LIG1: variants seen among roughly 807,000 people sequenced by gnomAD.
LIG1 encodes ligase I, DNA, ATP-dependent.
A neutral mutation model predicts 115.7 loss-of-function variants in LIG1; 70 were observed. The ratio of observed to expected loss-of-function variants is 0.60; its 90% confidence interval spans 0.50 to 0.74. LIG1 has a LOEUF of 0.74. Among genes scored for constraint, LIG1 ranks in the 30% least tolerant of loss-of-function variants. LIG1 has a pLI of 0.00. For synonymous variants in LIG1, 487 were observed against 495.3 expected, an observed-to-expected ratio of 0.98 and a Z score of 0.22; for missense variants, 1,115 against 1,225.6, an observed-to-expected ratio of 0.91 and a Z score of 1.35.
rs1398567388 is a variant in LIG1, at chr19:48,156,174, G to T, written c.370+840C>A. ...TGCGCTCTACACGCCAGCACACCAG[G>T]CCCTCAGCAGCCCCCAGGCCTTCTC... On this transcript the variant is annotated intron_variant, in intron 5 of 27. Coordinates refer to ENST00000263274, the MANE Select transcript of LIG1 (RefSeq NM_000234.3). 2.0e-5 allele frequency among the ~76,000 whole-genome samples: 3 copies of T among 152,200 alleles called. No individual in the cohort carries two copies. In the East Asian group the frequency reaches 5.8e-4, roughly 29 times the overall value.
At position 48,139,852 on chromosome 19, in the gene LIG1, C is replaced by T; in HGVS notation, c.1087+119G>A. On this transcript the variant is annotated intron_variant, in intron 12 of 27. Transcript: ENST00000263274. ...CCCATCAGGCTCTCCTCCCTCTCAG[C>T]CTTCTCCTCAACCCTGTTTCACAGC... 8.3e-6 allele frequency: 10 copies of T among 1,204,140 alleles called. No homozygotes were observed. The South Asian group carries it at 1.1e-4, about 13-fold the overall frequency. 74.6% of individuals were successfully genotyped at this position (1,204,140 alleles called of 1,614,324 possible).
chr19:48,142,220 G>A (rs2034808999), intron 11 of LIG1, among the ~76,000 whole-genome samples: 1 of 151,868 alleles, frequency 6.6e-6, no homozygotes, highest in Non-Finnish European at 1.5e-5. Context: ...GGCGGATCAC[G>A]AGGTCAGGAG....
rs2036432968 is a variant in LIG1, at chr19:48,165,553, A to G, written c.14T>C (p.Ile5Thr). ...AGGGGCAAGGGAGGGTGCTCACATGATACTTCGCTGCATGTTGGCGTCAGA... is the reference window on the plus strand; with the variant it reads ...AGGGGCAAGGGAGGGTGCTCACATGGTACTTCGCTGCATGTTGGCGTCAGA... The part of the protein sequence containing the change: MQRS[I>T]MSFFHPKKEG... The change falls in exon 2 of 28, where the codon ATC (isoleucine) becomes ACC (threonine). Residue 5 changes from isoleucine (I) to threonine (T), a missense_variant. Coordinates refer to ENST00000263274, the MANE Select transcript of LIG1 (RefSeq NM_000234.3). The G allele has an allele frequency of 4.3e-6, 7 of 1,611,748 alleles. No individual in the cohort carries two copies. The highest frequency in any genetic ancestry group is 5.1e-6 in the Non-Finnish European group (6 of 1,178,000).
chr19:48,140,840 C>T (rs912481276), intron 11 of LIG1, among the ~76,000 whole-genome samples: 2 of 152,166 alleles, frequency 1.3e-5, no homozygotes, highest in Non-Finnish European at 2.9e-5. Flanking sequence ...AGCCCCTACA[C>T]GCCAAATTAT....
chr19:48,153,092 A>T lies in LIG1; in HGVS notation c.466+780T>A, dbSNP rs539081438. On this transcript the variant is annotated intron_variant, in intron 6 of 27. Transcript: ENST00000263274. ...TGTCTGTAATCCCAGCTACTCGGGA[A>T]GCTGAGGTGGGAGAATCGCTTGAGC... 3.6e-4 allele frequency among the ~76,000 whole-genome samples: 55 copies of T among 151,090 alleles called. 2 individuals are homozygous for T. The highest frequency in any genetic ancestry group is 3.3e-3 in the Admixed American group (50 of 15,078).
chr19:48,161,066 T>G, intron 4 of LIG1: 1 of 426,768 alleles, frequency 2.3e-6, no homozygotes, highest in Non-Finnish European at 4.4e-6. Flanking sequence ...TCAGGCATTA[T>G]TCTCAGATCT....
Position 48,123,310 on chromosome 19 carries a change from T to C in LIG1, c.2013A>G (p.Val671=), listed in dbSNP as rs553406550. The C allele has an allele frequency of 3.7e-6, 6 of 1,613,456 alleles. No homozygotes were observed. The Admixed American group carries it at 1.0e-4, about 27-fold the overall frequency. The change falls in exon 22 of 28, where the codon GTA becomes GTG. Residue 671 remains valine, a synonymous_variant. Coordinates refer to ENST00000263274, the MANE Select transcript of LIG1 (RefSeq NM_000234.3). ...DLIYLNGESL[V]REPLSRRRQL... is the part of the protein sequence containing the mutation. The stretch of plus-strand genomic sequence containing the variant: ...GCCGGCGCCGGGAAAGGGGCTCACG[T>C]ACCAGGGACTGCAGGGCCGGCAGGG...
At chr19:48,153,831 C>A in intron 6 of LIG1, 41 bp downstream of exon 6, 1 of 991,012 alleles carries the variant, frequency 1.0e-6, no homozygotes. Context: ...CACACACACA[C>A]ACACACACAC....
chr19:48,137,633 C>A lies in LIG1; in HGVS notation c.1143G>T (p.Leu381=). Residue 381 remains leucine, a synonymous_variant, in exon 13 of 28, where the codon CTG becomes CTT. Transcript: ENST00000263274. The surrounding 1 kb of genome is among the most constrained non-coding windows in gnomAD (Gnocchi z 4.3). ...AEAAEKGDVG[L]VAENSRSTQR... ...GGGTGCTGCGGCTGTTCTCGGCCAC[C>A]AGCCCCACGTCGCCTTTCTCGGCTG... 1.1e-5 allele frequency: 18 copies of A among 1,610,884 alleles called. No individual in the cohort carries two copies. The highest frequency in any genetic ancestry group is 1.5e-5 in the Non-Finnish European group (18 of 1,179,780).
At position 48,137,441 on chromosome 19, in the gene LIG1, C is replaced by T; in HGVS notation, c.1254+81G>A. On this transcript the variant is annotated intron_variant, in intron 13 of 27. Coordinates refer to ENST00000263274, the MANE Select transcript of LIG1 (RefSeq NM_000234.3). This position sits in a 1 kb window ranked among gnomAD's most constrained non-coding sequence, Gnocchi z 4.3. ...CTGATGCGACCCAGCTGATGGTCTA[C>T]CCAGAAGCCTTCCTGACACACGCGT... The T allele has an allele frequency of 6.4e-7, 1 of 1,558,740 alleles. No homozygotes were observed. The highest frequency in any genetic ancestry group is 8.7e-7 in the Non-Finnish European group (1 of 1,150,728).
At position 48,115,667 on chromosome 19, in the gene LIG1, G is replaced by A. The variant is rs1467122044; in HGVS notation, c.2742C>T (p.Asp914=). 6.2e-7 allele frequency: 1 copy of A among 1,613,858 alleles called. No individual in the cohort carries two copies. The highest frequency in any genetic ancestry group is 1.7e-5 in the Admixed American group (1 of 60,010). ...QNQQGEDSGS[D]PEDTY ...CGAGGGCTTAGTAGGTATCTTCAGG[G>A]TCAGAGCCTGAGTCCTCGCCTTGTT... The change falls in exon 28 of 28, where the codon GAC becomes GAT. Residue 914 remains aspartate, a synonymous_variant. Coordinates refer to ENST00000263274, the MANE Select transcript of LIG1 (RefSeq NM_000234.3).
chr19:48,156,937 TCAA>T, intron 5 of LIG1, 74 bp downstream of exon 5: 1 of 772,710 alleles, frequency 1.3e-6, no homozygotes, highest in Non-Finnish European at 1.8e-6. Context: ...AGACTATGTC[TCAA>T]AAAAAAAAAA....
intron 4 of LIG1, among the ~76,000 whole-genome samples, chr19:48,159,939 A>G (rs150579408): frequency 0.05 from 7,665 of 152,128 alleles, 456 homozygotes; most frequent in African/African-American, 0.14. Flanking sequence ...GGATGGTCTC[A>G]ATCTCCGGAC....
At chr19:48,129,824 C>G (rs1042350204) in intron 19 of LIG1, among the ~76,000 whole-genome samples, 2 of 152,190 alleles carry the variant, frequency 1.3e-5, no homozygotes, top group Non-Finnish European at 2.9e-5. Context: ...GGCCCGATCT[C>G]AGCTCACTGC....
chr19:48,156,874 G>A (rs2035872462), intron 5 of LIG1, 140 bp downstream of exon 5: 3 of 670,658 alleles, frequency 4.5e-6, no homozygotes, highest in Non-Finnish European at 6.8e-6. Context: ...CCGGGAGGCG[G>A]AGGTCAGTGA....
At chr19:48,136,877 G>A in intron 14 of LIG1, 131 bp downstream of exon 14, 2 of 771,278 alleles carry the variant, frequency 2.6e-6, no homozygotes, top group Non-Finnish European at 4.5e-6. Context: ...TAGGGGCTGG[G>A]CCTCCTGCTC....
intron 12 of LIG1, among the ~76,000 whole-genome samples, 162 bp downstream of exon 12, chr19:48,139,809 C>A (rs1176723136): frequency 6.6e-6 from 1 of 152,094 alleles, no homozygotes; most frequent in Non-Finnish European, 1.5e-5. Context: ...TTCTCTCCCA[C>A]ACCCCTGCAA....
intron 19 of LIG1, among the ~76,000 whole-genome samples, chr19:48,128,979 C>T (rs1035270957): frequency 1.3e-5 from 2 of 152,198 alleles, no homozygotes; most frequent in African/African-American, 2.4e-5. Context: ...AGGCTGGTCT[C>T]GAACTCCTGA....
chr19:48,136,438 A>G (rs1194088709), intron 14 of LIG1, among the ~76,000 whole-genome samples: 3 of 152,084 alleles, frequency 2.0e-5, no homozygotes, highest in South Asian at 4.1e-4. Flanking sequence ...GAGAGAACTG[A>G]GCCTGGCGCC....
Sources: allele counts gnomAD v4.1 joint callset (sites outside exome capture counted in the v4.1 genomes callset), GRCh38; gene constraint gnomAD v4.1.1; non-coding constraint Gnocchi (gnomAD v3.1); transcripts MANE v1.5; gene names NCBI Gene and HGNC (gene_info 2026-07-23, HGNC 2026-07-21).